The following ATRX variants were observed in gnomAD, a reference collection of about 807,000 sequenced individuals.
ATRX encodes the protein ATRX chromatin remodeler, also known as chromatin remodeler ATRX.
ATRX carries 12 observed loss-of-function variants against 172.6 expected under a neutral mutation model. That is an observed-to-expected ratio of 0.07 (90% CI 0.04 to 0.11). The LOEUF is 0.11. Among genes scored for constraint, ATRX ranks in the 10% least tolerant of loss-of-function variants. The probability of loss-of-function intolerance (pLI) is 1.00; values close to 1 mark genes in which losing one functional copy is unlikely to be tolerated. For missense variants in ATRX, 1,368 were observed against 1,767.4 expected, an observed-to-expected ratio of 0.77 and a Z score of 4.05; for synonymous variants, 674 against 594.7, an observed-to-expected ratio of 1.13 and a Z score of -1.94.
At chrX:77,509,558 A>C (rs918130521) in intron 34 of ATRX, among the ~76,000 whole-genome samples, 1 of 111,900 alleles carries the variant, frequency 8.9e-6, no homozygotes, top group Non-Finnish European at 1.9e-5. Flanking sequence ...TGAACTGCCA[A>C]TGCCACCCCT....
chrX:77,578,832 G>A (rs1225817571), intron 27 of ATRX, among the ~76,000 whole-genome samples: 3 of 112,027 alleles, frequency 2.7e-5, no homozygotes, highest in Non-Finnish European at 3.8e-5. Flanking sequence ...AGCAACAAAC[G>A]GGCTCTTGGG....
intron 1 of ATRX, among the ~76,000 whole-genome samples, chrX:77,722,535 T>G (rs782272448): frequency 9.0e-6 from 1 of 111,161 alleles, no homozygotes; most frequent in Non-Finnish European, 1.9e-5. Flanking sequence ...GCAAAGGATA[T>G]GAACAGACAT....
At chrX:77,756,296 GA>G (rs1183030423) in intron 1 of ATRX, among the ~76,000 whole-genome samples, 8 of 110,784 alleles carry the variant, frequency 7.2e-5, no homozygotes, top group Non-Finnish European at 1.3e-4. Context: ...GTGGGAGTGG[GA>G]CCCGCTAAGC....
chrX:77,721,086 T>C (rs1557168773), intron 1 of ATRX, among the ~76,000 whole-genome samples: 1 of 111,863 alleles, frequency 8.9e-6, no homozygotes, highest in Non-Finnish European at 1.9e-5. Context: ...CACATGATTA[T>C]CTCAATAGAT....
At chrX:77,590,422 A>AAC (rs2066195358) in intron 26 of ATRX, among the ~76,000 whole-genome samples, 1 of 109,748 alleles carries the variant, frequency 9.1e-6, no homozygotes, top group African/African-American at 3.3e-5. Context: ...CATCCTGGCT[A>AAC]ACACGGTGAA....
At chrX:77,519,546 G>A (rs2063158270) in intron 34 of ATRX, among the ~76,000 whole-genome samples, 1 of 110,705 alleles carries the variant, frequency 9.0e-6, no homozygotes, top group Non-Finnish European at 1.9e-5. Flanking sequence ...ACCAGCCTGG[G>A]AAATATAGTG....
At chrX:77,546,431 T>A (rs2064244466) in intron 30 of ATRX, among the ~76,000 whole-genome samples, 1 of 111,160 alleles carries the variant, frequency 9.0e-6, no homozygotes, top group Non-Finnish European at 1.9e-5. Context: ...TTGTCAAAAA[T>A]AGATTCCCAA....
chrX:77,726,587 C>G (rs1362892741), intron 1 of ATRX, among the ~76,000 whole-genome samples: 3 of 110,470 alleles, frequency 2.7e-5, no homozygotes, highest in African/African-American at 9.9e-5. Context: ...CAAACCTGCA[C>G]GTTGTGCACA....
At chrX:77,609,489 AGTTTTTT>A (rs1557092823) in intron 22 of ATRX, among the ~76,000 whole-genome samples, 1 of 111,943 alleles carries the variant, frequency 8.9e-6, no homozygotes, top group Non-Finnish European at 1.9e-5. Flanking sequence ...TGGGGAGCTA[AGTTTTTT>A]GTTTTTTGTT....
At chrX:77,645,764 C>T (rs1210027336) in intron 15 of ATRX, among the ~76,000 whole-genome samples, 2 of 112,019 alleles carry the variant, frequency 1.8e-5, no homozygotes, top group African/African-American at 6.5e-5. Flanking sequence ...TTACCATTCA[C>T]GACATGTATA....
intron 30 of ATRX, among the ~76,000 whole-genome samples, chrX:77,536,059 A>C (rs2063739325): frequency 9.1e-6 from 1 of 109,298 alleles, no homozygotes; most frequent in Non-Finnish European, 1.9e-5. Context: ...GTTTTTTAAG[A>C]GACAGGGGCT....
chrX:77,739,000 T>C (rs2074733107), intron 1 of ATRX, among the ~76,000 whole-genome samples: 1 of 111,766 alleles, frequency 8.9e-6, no homozygotes, highest in Non-Finnish European at 1.9e-5. Flanking sequence ...AATTTTTTAT[T>C]TCCACAGGCT....
chrX:77,764,307 T>C (rs2075831023), intron 1 of ATRX, among the ~76,000 whole-genome samples: 1 of 111,928 alleles, frequency 8.9e-6, no homozygotes, highest in Non-Finnish European at 1.9e-5. Context: ...GTCTGCCAGA[T>C]ACCTCTGCCT....
intron 19 of ATRX, among the ~76,000 whole-genome samples, chrX:77,627,104 G>A (rs1314354172): frequency 5.4e-5 from 6 of 111,375 alleles, no homozygotes; most frequent in African/African-American, 1.6e-4. Context: ...GTGGTGGCAG[G>A]CGCCTGTAGT....
At chrX:77,513,785 G>T (rs782198978) in intron 34 of ATRX, among the ~76,000 whole-genome samples, 139 of 111,500 alleles carry the variant, frequency 1.2e-3, no homozygotes, top group Admixed American at 2.2e-3. Flanking sequence ...AATAAATAAA[G>T]GTTATCCAAA....
chrX:77,649,713 T>C (rs1557115771), intron 15 of ATRX, among the ~76,000 whole-genome samples: 1 of 110,427 alleles, frequency 9.1e-6, no homozygotes. Flanking sequence ...AAAAGAGGAG[T>C]TTCCCTGCAC....
intron 22 of ATRX, among the ~76,000 whole-genome samples, chrX:77,612,244 A>G (rs782143926): frequency 3.5e-4 from 39 of 111,748 alleles, no homozygotes; most frequent in African/African-American, 1.3e-3. Context: ...CTTTTGAATC[A>G]ATCTCTAAAG....
chrX:77,718,676 T>C (rs1473960325), intron 1 of ATRX, among the ~76,000 whole-genome samples: 1 of 111,299 alleles, frequency 9.0e-6, no homozygotes, highest in Non-Finnish European at 1.9e-5. Flanking sequence ...GCCCAGCCTA[T>C]AGCATCAACT....
chrX:77,716,302 A>T (rs1257108779), intron 2 of ATRX, among the ~76,000 whole-genome samples: 3 of 43,329 alleles, frequency 6.9e-5, no homozygotes, highest in African/African-American at 2.0e-4. Context: ...TCGTCTCTTT[A>T]AAAAAAAAAA....
Sources: allele counts gnomAD v4.1 joint callset (sites outside exome capture counted in the v4.1 genomes callset), GRCh38; gene constraint gnomAD v4.1.1; transcripts MANE v1.5; gene names NCBI Gene and HGNC (gene_info 2026-07-23, HGNC 2026-07-21).